Variants in ARSB observed in about 807,000 individuals in gnomAD.
The protein encoded by ARSB is arylsulfatase B.
A neutral mutation model predicts 50.9 loss-of-function variants in ARSB; 41 were observed. That is an observed-to-expected ratio of 0.81 (90% CI 0.63 to 1.04). ARSB has a LOEUF of 1.04. ARSB is among the 50% of genes least tolerant of loss of function. ARSB has a pLI of 0.00. For missense variants in ARSB, 672 were observed against 693.3 expected (o/e 0.97, Z 0.35); for synonymous variants, 269 against 284.8 (o/e 0.94, Z 0.56).
chr5:78,958,716 C>A (rs928161166), intron 3 of ARSB, among the ~76,000 whole-genome samples: 7 of 151,680 alleles, frequency 4.6e-5, no homozygotes, highest in African/African-American at 1.7e-4. Flanking sequence ...CCTTATTGTT[C>A]TTCTTCTGTA....
At position 78,779,269 on chromosome 5, in the gene ARSB, G is replaced by A. The variant is rs991371140; in HGVS notation, c.*1128C>T. On this transcript the variant is annotated 3_prime_UTR_variant, in exon 8 of 8. Transcript: ENST00000264914. ...GCCAGACCCCAGAACCTCAAAACAA[G>A]CAGTAAAACAGAGAATAAGAGGACT... The A allele has an allele frequency of 6.6e-6, 1 of 152,036 alleles. No homozygotes were observed. Among genetic ancestry groups the A allele is most frequent in the Admixed American group, 6.5e-5 (1 of 15,268 alleles). The allele number at this position is 152,036 out of a possible 1,614,324, so 9.4% of individuals were successfully genotyped here. A position where few individuals can be genotyped will look rare whatever the true frequency, so the allele number is the denominator to read the frequency against.
At chr5:78,855,874 C>T (rs1229550174) in intron 5 of ARSB, among the ~76,000 whole-genome samples, 1 of 152,156 alleles carries the variant, frequency 6.6e-6, no homozygotes, top group Non-Finnish European at 1.5e-5. Context: ...GGAGGCCTGG[C>T]ATTTCTTCCC....
chr5:78,895,278 A>G (rs2112249507), intron 4 of ARSB, among the ~76,000 whole-genome samples: 1 of 152,314 alleles, frequency 6.6e-6, no homozygotes, highest in South Asian at 2.1e-4. Context: ...AAAAGTATAA[A>G]TTGTAAAAGT....
chr5:78,834,623 A>G (rs868506553), intron 6 of ARSB, among the ~76,000 whole-genome samples: 29 of 127,316 alleles, frequency 2.3e-4, no homozygotes, highest in East Asian at 1.1e-3. Flanking sequence ...ATATATATAT[A>G]TATATATATA....
chr5:78,829,949 G>C (rs1744597625), intron 6 of ARSB, among the ~76,000 whole-genome samples: 1 of 152,122 alleles, frequency 6.6e-6, no homozygotes, highest in Non-Finnish European at 1.5e-5. Flanking sequence ...GACTGGGAGA[G>C]GAAAAAAGGA....
intron 5 of ARSB, among the ~76,000 whole-genome samples, chr5:78,852,270 A>C (rs1019350281): frequency 1.3e-5 from 2 of 152,184 alleles, no homozygotes; most frequent in Admixed American, 6.5e-5. Flanking sequence ...AAAATCTCTC[A>C]GCATTTGCTT....
At chr5:78,792,392 A>AG (rs1742989557) in intron 6 of ARSB, among the ~76,000 whole-genome samples, 2 of 152,058 alleles carry the variant, frequency 1.3e-5, no homozygotes, top group African/African-American at 4.8e-5. Context: ...AAAAAAAAAA[A>AG]AAAGTTACGC....
intron 2 of ARSB, among the ~76,000 whole-genome samples, chr5:78,968,221 C>G (rs1161912420): frequency 1.4e-5 from 2 of 147,878 alleles, no homozygotes; most frequent in Admixed American, 6.8e-5. Flanking sequence ...AGTCTTCCCC[C>G]ACCCCCTTCA....
intron 5 of ARSB, among the ~76,000 whole-genome samples, chr5:78,852,288 T>A (rs62377543): frequency 0.23 from 35,028 of 151,932 alleles, 4,815 homozygotes; most frequent in Admixed American, 0.31. Context: ...CTTGTCTGTA[T>A]AGTATTTTAT....
chr5:78,977,712 T>C (rs917610340), intron 1 of ARSB, among the ~76,000 whole-genome samples: 1 of 152,082 alleles, frequency 6.6e-6, no homozygotes, highest in African/African-American at 2.4e-5. Context: ...CTATCCAGGG[T>C]AATTAGGCAA....
intron 4 of ARSB, among the ~76,000 whole-genome samples, chr5:78,952,789 T>A (rs1751544691): frequency 6.6e-6 from 1 of 152,238 alleles, no homozygotes; most frequent in African/African-American, 2.4e-5. Context: ...AGAAAATCAT[T>A]TGTCCTGAAA....
chr5:78,870,617 C>T (rs907727516), intron 5 of ARSB, among the ~76,000 whole-genome samples: 2 of 151,554 alleles, frequency 1.3e-5, no homozygotes, highest in South Asian at 2.1e-4. Flanking sequence ...TTCAACAACA[C>T]TTCATGTTAA....
chr5:78,936,211 G>A (rs1454071879), intron 4 of ARSB, among the ~76,000 whole-genome samples: 3 of 139,734 alleles, frequency 2.1e-5, no homozygotes, highest in Non-Finnish European at 3.0e-5. Context: ...TGCAACCTCC[G>A]CCTCCCGGGT....
rs373309585 is a variant in ARSB at position 78,881,453 on chromosome 5, A to G, written c.1142+4131T>C. On this transcript the variant is annotated intron_variant, in intron 5 of 7. Transcript: ENST00000264914. The stretch of plus-strand genomic sequence containing the variant: ...AAAAGGAAAAATATTTGCAAGAAAT[A>G]CAACAATCCAAAAACCTGACATAAA... 1.2e-4 allele frequency among the ~76,000 whole-genome samples: 18 copies of G among 152,274 alleles called. No homozygotes were observed. In the East Asian group the frequency reaches 1.5e-3, roughly 13 times the overall value.
chr5:78,808,692 C>A (rs1743678651), intron 6 of ARSB, among the ~76,000 whole-genome samples: 1 of 152,200 alleles, frequency 6.6e-6, no homozygotes, highest in African/African-American at 2.4e-5. Context: ...GAGCCACAGG[C>A]AGCTTCAGAA....
intron 3 of ARSB, among the ~76,000 whole-genome samples, chr5:78,963,171 A>ATC (rs1240506083): frequency 2.6e-5 from 4 of 151,678 alleles, no homozygotes; most frequent in East Asian, 3.9e-4. Context: ...AGAGCCTGGC[A>ATC]TCTCTCTCTC....
chr5:78,809,602 G>A (rs1300670761), intron 6 of ARSB, among the ~76,000 whole-genome samples: 2 of 152,258 alleles, frequency 1.3e-5, no homozygotes, highest in East Asian at 3.9e-4. Context: ...GCTGAAGCTG[G>A]GAGACCCATC....
chr5:78,902,293 A>ATC (rs1176185926), intron 4 of ARSB, among the ~76,000 whole-genome samples: 13 of 152,354 alleles, frequency 8.5e-5, no homozygotes, highest in African/African-American at 2.9e-4. Context: ...TCGGTTTCCA[A>ATC]CACATGAACT....
chr5:78,892,778 C>T (rs1283648350), intron 4 of ARSB, among the ~76,000 whole-genome samples: 4 of 152,250 alleles, frequency 2.6e-5, no homozygotes, highest in South Asian at 2.1e-4. Context: ...TTTGATTATT[C>T]GTAGGGGTTT....
Sources: allele counts gnomAD v4.1 joint callset (sites outside exome capture counted in the v4.1 genomes callset), GRCh38; gene constraint gnomAD v4.1.1; transcripts MANE v1.5; gene names NCBI Gene and HGNC (gene_info 2026-07-23, HGNC 2026-07-21).